DTNB: variants seen among roughly 807,000 people sequenced by gnomAD.
DTNB encodes DTN-B.
A neutral mutation model predicts 90.7 loss-of-function variants in DTNB; 63 were observed. The ratio of observed to expected loss-of-function variants is 0.69; its 90% CI spans 0.57 to 0.86. DTNB has a LOEUF of 0.86. Ranked by LOEUF, DTNB falls within the 40% of genes least tolerant of loss-of-function variation. The probability of loss-of-function intolerance (pLI) is 0.00; values close to 1 mark genes in which losing one functional copy is unlikely to be tolerated. For missense variants in DTNB, 744 were observed against 807.1 expected (o/e 0.92, Z 0.95); for synonymous variants, 277 against 286.7 (o/e 0.97, Z 0.34).
chr2:25,383,002 A>G (rs1425528446), intron 19 of DTNB, among the ~76,000 whole-genome samples: 2 of 152,182 alleles, frequency 1.3e-5, no homozygotes, highest in African/African-American at 4.8e-5. Context: ...AGCAGGTTCG[A>G]TATATAATGA....
At chr2:25,643,095 C>T (rs915319163) in intron 2 of DTNB, among the ~76,000 whole-genome samples, 1 of 152,120 alleles carries the variant, frequency 6.6e-6, no homozygotes, top group Non-Finnish European at 1.5e-5. Flanking sequence ...AGAAACACAA[C>T]ACAGTACTAC....
intron 1 of DTNB, among the ~76,000 whole-genome samples, chr2:25,658,090 C>T (rs1479182594): frequency 3.3e-5 from 5 of 151,880 alleles, no homozygotes; most frequent in Non-Finnish European, 7.4e-5. Flanking sequence ...AACCCTGTCT[C>T]TACTAAAAGT....
intron 9 of DTNB, among the ~76,000 whole-genome samples, chr2:25,526,395 A>ATATATATT: frequency 1.6e-3 from 82 of 49,828 alleles, no homozygotes; most frequent in South Asian, 4.7e-3. Flanking sequence ...ATATATATAT[A>ATATATATT]TTTTTTTTTT....
chr2:25,526,394 TA>T (rs55670119), intron 9 of DTNB, among the ~76,000 whole-genome samples: 13,599 of 60,008 alleles, frequency 0.23, 969 homozygotes, highest in Non-Finnish European at 0.28. Context: ...TATATATATA[TA>T]TTTTTTTTTT....
At chr2:25,639,736 C>T (rs1358896809) in intron 2 of DTNB, among the ~76,000 whole-genome samples, 5 of 152,166 alleles carry the variant, frequency 3.3e-5, no homozygotes, top group South Asian at 2.1e-4. Flanking sequence ...GACGGCCTCG[C>T]GGCACAGAAT....
At chr2:25,428,185 C>CT (rs202225555) in intron 14 of DTNB, among the ~76,000 whole-genome samples, 12 of 151,502 alleles carry the variant, frequency 7.9e-5, no homozygotes, top group East Asian at 1.9e-4. Context: ...GTCTCTGTCT[C>CT]TTTTTTTTTC....
chr2:25,588,277 C>G (rs1454443152), intron 6 of DTNB, among the ~76,000 whole-genome samples: 4 of 152,106 alleles, frequency 2.6e-5, no homozygotes, highest in African/African-American at 9.7e-5. Context: ...TTACTAACAT[C>G]CAGTGTATTC....
intron 10 of DTNB, among the ~76,000 whole-genome samples, chr2:25,473,638 A>G (rs1020246912): frequency 6.6e-6 from 1 of 152,172 alleles, no homozygotes; most frequent in African/African-American, 2.4e-5. Flanking sequence ...AAGTATTTGT[A>G]TCTCCTTTGC....
rs553679936 is a variant in DTNB, at chr2:25,454,974, A to G, written c.1169+431T>C. Among the ~76,000 whole-genome samples the G allele has an allele frequency of 2.6e-5, 4 of 152,324 alleles. No individual in the cohort carries two copies. The South Asian group carries it at 8.3e-4, about 32-fold the overall frequency. ...AGGGTGGTAAAGATGTAATAGGGTG[A>G]CAGTATCAAAGTCCCCAGATAAGAC... On this transcript the variant is annotated intron_variant, in intron 11 of 20. Transcript: ENST00000406818.
chr2:25,470,441 T>G (rs535727840), intron 10 of DTNB, among the ~76,000 whole-genome samples: 2 of 150,646 alleles, frequency 1.3e-5, no homozygotes, highest in Non-Finnish European at 3.0e-5. Flanking sequence ...AGTGGTGTGA[T>G]CTCAGCTCAC....
At chr2:25,501,322 C>T (rs949107373) in intron 9 of DTNB, among the ~76,000 whole-genome samples, 4 of 152,082 alleles carry the variant, frequency 2.6e-5, no homozygotes, top group Non-Finnish European at 4.4e-5. Flanking sequence ...TCAAAGGATC[C>T]TCCTGCCTCT....
At position 25,573,851 on chromosome 2, in the gene DTNB, CTT is replaced by C. The variant is rs138986076; in HGVS notation, c.876+2985_876+2986del. On this transcript the variant is annotated intron_variant, in intron 8 of 20. Coordinates refer to ENST00000406818, the MANE Select transcript of DTNB (RefSeq NM_021907.5). Reference sequence around the variant, plus strand: ...ACTTCTAGTACTAAAATTTCAGTGACTTAACGCAAAGTTCTTATCATGCCTCC... The same window carrying C: ...ACTTCTAGTACTAAAATTTCAGTGACAACGCAAAGTTCTTATCATGCCTCC... Among the ~76,000 whole-genome samples, 465 of 152,294 alleles carry C rather than the reference CTT, an allele frequency of 3.1e-3. 3 individuals carry two copies. Among genetic ancestry groups the C allele is most frequent in the African/African-American group, 0.011 (449 of 41,552 alleles).
At chr2:25,561,140 A>T (rs1352742586) in intron 8 of DTNB, among the ~76,000 whole-genome samples, 1 of 152,140 alleles carries the variant, frequency 6.6e-6, no homozygotes, top group Non-Finnish European at 1.5e-5. Flanking sequence ...CCTATACTAC[A>T]TTGAGCCTAC....
chr2:25,429,832 C>G (rs1207710522), intron 14 of DTNB, among the ~76,000 whole-genome samples: 1 of 152,156 alleles, frequency 6.6e-6, no homozygotes, highest in Non-Finnish European at 1.5e-5. Flanking sequence ...CTAATTATAT[C>G]TCCTATCACT....
At position 25,491,109 on chromosome 2, in the gene DTNB, G is replaced by A. The variant is rs1198751062; in HGVS notation, c.1002-8236C>T. 2.7e-5 allele frequency among the ~76,000 whole-genome samples: 4 copies of A among 148,076 alleles called. No homozygotes were observed. The South Asian group carries it at 6.4e-4, about 24-fold the overall frequency. On this transcript the variant is annotated intron_variant, in intron 9 of 20. Transcript: ENST00000406818. ...CTATATTATTTTTGTTATTAAGAAA[G>A]CAAACTGAGAAGGGAAGTGTTATAT...
chr2:25,533,450 CCAA>C (rs1216533163), intron 8 of DTNB, among the ~76,000 whole-genome samples: 1 of 152,154 alleles, frequency 6.6e-6, no homozygotes, highest in Admixed American at 6.5e-5. Context: ...TTCCTTTTGC[CCAA>C]CAAGTCGTGA....
intron 18 of DTNB, among the ~76,000 whole-genome samples, chr2:25,386,361 G>A (rs1051756911): frequency 9.2e-5 from 14 of 152,290 alleles, no homozygotes; most frequent in African/African-American, 2.6e-4. Flanking sequence ...TGTTTGAATC[G>A]TCCGTGGAAA....
intron 10 of DTNB, among the ~76,000 whole-genome samples, chr2:25,480,188 G>C (rs2064637808): frequency 6.6e-6 from 1 of 152,146 alleles, no homozygotes; most frequent in Non-Finnish European, 1.5e-5. Flanking sequence ...GGGCTGTAAT[G>C]GTAGGGTAGG....
intron 18 of DTNB, among the ~76,000 whole-genome samples, chr2:25,385,379 T>C (rs2039187852): frequency 6.6e-6 from 1 of 152,234 alleles, no homozygotes. Context: ...TGGGTGAAGC[T>C]ATTCCATTCA....
Sources: allele counts gnomAD v4.1 joint callset (sites outside exome capture counted in the v4.1 genomes callset), GRCh38; gene constraint gnomAD v4.1.1; transcripts MANE v1.5; gene names NCBI Gene and HGNC (gene_info 2026-07-23, HGNC 2026-07-21).